Variants in ZNF429 observed in about 807,000 individuals in gnomAD.
The protein encoded by ZNF429 is zinc finger protein 429.
Under a neutral mutation model 56.8 loss-of-function variants are expected in ZNF429, and 53 were observed. That is an observed-to-expected ratio of 0.93 (90% confidence interval 0.75 to 1.17). The LOEUF (loss-of-function observed/expected upper bound fraction) is 1.17. ZNF429 is among the 50% of genes most tolerant of loss of function. The pLI is 0.00. For missense variants in ZNF429, 849 were observed against 788.4 expected (o/e 1.08, Z -0.92); for synonymous variants, 278 against 264.7 (o/e 1.05, Z -0.49).
intron 1 of ZNF429, among the ~76,000 whole-genome samples, chr19:21,524,238 T>C (rs1379997156): frequency 6.6e-6 from 1 of 152,110 alleles, no homozygotes; most frequent in African/African-American, 2.4e-5. Context: ...ACCTGTAAAA[T>C]GTGATGCTGG....
chr19:21,528,713 GA>G (rs902857795), intron 1 of ZNF429, among the ~76,000 whole-genome samples: 13 of 148,040 alleles, frequency 8.8e-5, no homozygotes, highest in Admixed American at 2.7e-4. Flanking sequence ...TCAAAAAAAA[GA>G]AAAAAAAAAT....
intron 3 of ZNF429, among the ~76,000 whole-genome samples, chr19:21,531,448 C>T: frequency 6.6e-6 from 1 of 152,090 alleles, no homozygotes; most frequent in African/African-American, 2.4e-5. Context: ...GTATTGTACC[C>T]ATTGTTAATG....
chr19:21,537,172 A>G lies in ZNF429; in HGVS notation c.1119A>G (p.Glu373=), dbSNP rs2033725431. The G allele has an allele frequency of 6.2e-7, 1 of 1,613,924 alleles. No homozygotes were observed. The highest frequency in any genetic ancestry group is 1.7e-5 in the Admixed American group (1 of 60,008). The change falls in exon 4 of 4, where the codon GAA becomes GAG. Residue 373 remains glutamate (E), a synonymous_variant. Coordinates refer to ENST00000358491, the MANE Select transcript of ZNF429 (RefSeq NM_001001415.4). The part of the protein sequence containing the change: ...HTGEKPYKCE[E]CGKAFNQSSR... ...GAGAGAAGCCCTACAAATGTGAAGAATGTGGCAAAGCTTTTAACCAGTCTT... is the reference window on the plus strand; with the variant it reads ...GAGAGAAGCCCTACAAATGTGAAGAGTGTGGCAAAGCTTTTAACCAGTCTT...
chr19:21,519,728 C>T (rs75858500), intron 1 of ZNF429, among the ~76,000 whole-genome samples: 4 of 152,142 alleles, frequency 2.6e-5, no homozygotes, highest in East Asian at 3.9e-4. Context: ...TTCTACCTAT[C>T]GGTCTTTCCA....
rs763538167 is a variant in ZNF429 at position 21,536,774 on chromosome 19, T to C, written c.721T>C (p.Tyr241His). ...CEECGKAFNH[Y>H]STLTNHKRIH... ...AGAATGTGGCAAAGCATTTAACCACTACTCAACCCTTACTAACCATAAGAG... is the reference window on the plus strand; with the variant it reads ...AGAATGTGGCAAAGCATTTAACCACCACTCAACCCTTACTAACCATAAGAG... Residue 241 changes from tyrosine to histidine, a missense_variant, in exon 4 of 4, where the codon TAC (tyrosine) becomes CAC (histidine). Transcript: ENST00000358491. 6.2e-7 allele frequency: 1 copy of C among 1,613,924 alleles called. No homozygotes were observed. The highest frequency in any genetic ancestry group is 1.3e-5 in the African/African-American group (1 of 75,044).
At chr19:21,513,926 C>T (rs939748119) in intron 1 of ZNF429, among the ~76,000 whole-genome samples, 2 of 152,206 alleles carry the variant, frequency 1.3e-5, no homozygotes, top group African/African-American at 4.8e-5. Context: ...AACTTCACCA[C>T]AGCATTTTTG....
intron 1 of ZNF429, among the ~76,000 whole-genome samples, chr19:21,526,445 C>T (rs984065269): frequency 2.0e-5 from 3 of 152,184 alleles, no homozygotes; most frequent in Non-Finnish European, 4.4e-5. Context: ...CTGAGGAATG[C>T]AAATCCTCTT....
chr19:21,517,025 T>G (rs1360866858), intron 1 of ZNF429, among the ~76,000 whole-genome samples: 1 of 152,206 alleles, frequency 6.6e-6, no homozygotes, highest in Admixed American at 6.5e-5. Context: ...TGTGCCAGTT[T>G]TTAAGAAGAA....
Position 21,539,167 on chromosome 19 carries a change from A to T in ZNF429, c.*1089A>T, listed in dbSNP as rs1038817345. Reference sequence around the variant, plus strand: ...AAATATTTAATTCAAAATTGAATTTAAAAAGTCTACATAAATATCATACAT... The same window carrying T: ...AAATATTTAATTCAAAATTGAATTTTAAAAGTCTACATAAATATCATACAT... On this transcript the variant is annotated 3_prime_UTR_variant, in exon 4 of 4. Coordinates refer to ENST00000358491, the MANE Select transcript of ZNF429 (RefSeq NM_001001415.4). Among the ~76,000 whole-genome samples the T allele has an allele frequency of 6.6e-6, 1 of 152,136 alleles. No homozygotes were observed. The highest frequency in any genetic ancestry group is 2.4e-5 in the African/African-American group (1 of 41,452).
rs2033761983 is a variant in ZNF429, at chr19:21,537,691, T to C, written c.1638T>C (p.Phe546=). The change falls in exon 4 of 4, where the codon TTT becomes TTC. Residue 546 remains phenylalanine, a synonymous_variant. Transcript: ENST00000358491. The stretch of plus-strand genomic sequence containing the variant: ...AATGTGAAGAATGTGGCAAAGCTTT[T>C]AACCGGTCCTCAAGACTTACTCAAC... The part of the protein sequence containing the change: ...PYKCEECGKA[F]NRSSRLTQHK... 1 of 1,613,804 alleles carries C rather than the reference T, an allele frequency of 6.2e-7. No individual in the cohort carries two copies. The highest frequency in any genetic ancestry group is 1.7e-5 in the Admixed American group (1 of 59,982).
chr19:21,534,834 G>T, intron 3 of ZNF429, among the ~76,000 whole-genome samples: 1 of 150,344 alleles, frequency 6.7e-6, no homozygotes, highest in Non-Finnish European at 1.5e-5. Flanking sequence ...TTTTGAGACG[G>T]AGTATCGCTC....
At chr19:21,511,526 G>A (rs953015819) in intron 1 of ZNF429, among the ~76,000 whole-genome samples, 14 of 151,960 alleles carry the variant, frequency 9.2e-5, no homozygotes, top group Non-Finnish European at 1.8e-4. Flanking sequence ...GATGGCAGCC[G>A]GGAAGAGGCG....
At chr19:21,527,659 G>A (rs1472137468) in intron 1 of ZNF429, among the ~76,000 whole-genome samples, 1 of 152,128 alleles carries the variant, frequency 6.6e-6, no homozygotes, top group African/African-American at 2.4e-5. Context: ...ATGGAACAGT[G>A]CATTGTTCCT....
chr19:21,532,386 A>T, intron 3 of ZNF429, among the ~76,000 whole-genome samples: 1 of 152,230 alleles, frequency 6.6e-6, no homozygotes, highest in Non-Finnish European at 1.5e-5. Context: ...ACACTATAGT[A>T]ATACAAACAT....
chr19:21,510,646 C>A (rs1407597084), intron 1 of ZNF429, among the ~76,000 whole-genome samples: 1 of 151,266 alleles, frequency 6.6e-6, no homozygotes. Context: ...TTGGCAGGGT[C>A]ATAGGACAAT....
rs2033880730 is a variant in ZNF429, at chr19:21,540,402, TA to T, written c.*2325del. Among the ~76,000 whole-genome samples, 1 of 152,084 alleles carries T rather than the reference TA, an allele frequency of 6.6e-6. No homozygotes were observed. Among genetic ancestry groups the T allele is most frequent in the Admixed American group, 6.6e-5 (1 of 15,262 alleles). On this transcript the variant is annotated 3_prime_UTR_variant, in exon 4 of 4. Coordinates refer to ENST00000358491, the MANE Select transcript of ZNF429 (RefSeq NM_001001415.4). ...TTTTTTGATATTTAAATTTTTTTCTTATTTTTTTGTGGGTACATAATATGTG... is the reference window on the plus strand; with the variant it reads ...TTTTTTGATATTTAAATTTTTTTCTTTTTTTTTGTGGGTACATAATATGTG...
At chr19:21,525,719 CT>C (rs1568422124) in intron 1 of ZNF429, among the ~76,000 whole-genome samples, 1 of 126,864 alleles carries the variant, frequency 7.9e-6, no homozygotes. Context: ...CCAGTAGTTG[CT>C]CCACAAGTCA....
At position 21,527,523 on chromosome 19, in the gene ZNF429, G is replaced by A. The variant is rs551659612; in HGVS notation, c.4-2135G>A. Among the ~76,000 whole-genome samples, 9 of 152,194 alleles carry A rather than the reference G, an allele frequency of 5.9e-5. No individual in the cohort carries two copies. In the East Asian group the frequency reaches 1.4e-3, roughly 23 times the overall value. ...CTTTGCACTAAAGGGTGGTTACAGG[G>A]CCTGTTCTGTTTGGGTTTGGTAGGG... On this transcript the variant is annotated intron_variant, in intron 1 of 3. Transcript: ENST00000358491.
At chr19:21,516,546 A>T (rs2032752740) in intron 1 of ZNF429, among the ~76,000 whole-genome samples, 1 of 152,112 alleles carries the variant, frequency 6.6e-6, no homozygotes, top group Admixed American at 6.5e-5. Context: ...TGGTTATTTT[A>T]ATGATACTGA....
Sources: allele counts gnomAD v4.1 joint callset (sites outside exome capture counted in the v4.1 genomes callset), GRCh38; gene constraint gnomAD v4.1.1; transcripts MANE v1.5; gene names NCBI Gene and HGNC (gene_info 2026-07-23, HGNC 2026-07-21).